Variants in DBT observed in about 807,000 individuals in gnomAD.
DBT encodes lipoamide acyltransferase component of branched-chain alpha-keto acid dehydrogenase complex, mitochondrial.
DBT carries 40 observed loss-of-function variants against 51.3 expected under a neutral mutation model. That is an observed-to-expected ratio of 0.78 (90% CI 0.61 to 1.02). DBT has a LOEUF of 1.02. Among genes scored for constraint, DBT ranks in the 50% least tolerant of loss-of-function variants. The pLI is 0.00. For missense variants in DBT, 510 were observed against 580.2 expected, an observed-to-expected ratio of 0.88 and a Z score of 1.24; for synonymous variants, 181 against 190.4, an observed-to-expected ratio of 0.95 and a Z score of 0.41.
chr1:100,206,334 A>G, intron 9 of DBT, 33 bp from the exon 10 acceptor site: 1 of 1,584,990 alleles, frequency 6.3e-7, no homozygotes, highest in African/African-American at 1.3e-5. Flanking sequence ...GGAGAGTATT[A>G]AAAGTTAAGA....
chr1:100,204,140 A>G (rs1661618740), intron 10 of DBT, among the ~76,000 whole-genome samples: 1 of 152,188 alleles, frequency 6.6e-6, no homozygotes, highest in African/African-American at 2.4e-5. Flanking sequence ...AGCATATTCT[A>G]TAGGAAGAGA....
intron 2 of DBT, among the ~76,000 whole-genome samples, chr1:100,240,051 G>A (rs1472341426): frequency 6.6e-6 from 1 of 152,002 alleles, no homozygotes; most frequent in Admixed American, 6.6e-5. Context: ...CAGTTCTTGT[G>A]CCCTTGCCAA....
chr1:100,196,243 T>A lies in DBT; in HGVS notation c.*12A>T. The A allele has an allele frequency of 6.2e-7, 1 of 1,612,390 alleles. No individual in the cohort carries two copies. Among genetic ancestry groups the A allele is most frequent in the Non-Finnish European group, 8.5e-7 (1 of 1,178,684 alleles). On this transcript the variant is annotated 3_prime_UTR_variant, in exon 11 of 11. Transcript: ENST00000370132. The stretch of plus-strand genomic sequence containing the variant: ...TGGAAGCTCAAAAAGTTCAAGAATG[T>A]CTTATCAGTCTTCATTTCAGATCTA...
rs946151871 is a variant in DBT at position 100,189,293 on chromosome 1, C to T, written c.*6962G>A. On this transcript the variant is annotated 3_prime_UTR_variant, in exon 11 of 11. Coordinates refer to ENST00000370132, the MANE Select transcript of DBT (RefSeq NM_001918.5). ...AGACGGAGGTTGCAGTGAGCAGAGC[C>T]GAGATCGCACCACTGCACTCTAGTC... The T allele has an allele frequency of 2.7e-5, 4 of 150,626 alleles. No individual in the cohort carries two copies. The highest frequency in any genetic ancestry group is 7.3e-5 in the African/African-American group (3 of 40,834). 9.3% of individuals were successfully genotyped at this position (150,626 alleles called of 1,614,324 possible). A position where few individuals can be genotyped will look rare whatever the true frequency, so the allele number is the denominator to read the frequency against.
intron 7 of DBT, chr1:100,211,121 A>G (rs1349195767): frequency 1.3e-6 from 1 of 779,144 alleles, no homozygotes; most frequent in South Asian, 1.3e-5. Context: ...CATGAGAAGT[A>G]ATACTAGGAA....
chr1:100,241,146 T>C (rs1283151214), intron 1 of DBT, among the ~76,000 whole-genome samples: 1 of 152,184 alleles, frequency 6.6e-6, no homozygotes, highest in African/African-American at 2.4e-5. Flanking sequence ...GAACTAAAAC[T>C]ACTAAAGAAT....
At chr1:100,249,148 T>C (rs1355373077) in intron 1 of DBT, 3 of 959,284 alleles carry the variant, frequency 3.1e-6, no homozygotes, top group South Asian at 4.7e-5. Flanking sequence ...ACAAGTATCA[T>C]TACCGGTATG....
intron 3 of DBT, among the ~76,000 whole-genome samples, chr1:100,233,837 AG>A (rs1407730531): frequency 1.3e-5 from 2 of 152,226 alleles, no homozygotes; most frequent in Non-Finnish European, 2.9e-5. Context: ...CAAAGGAAGG[AG>A]GAAGTAACTT....
At chr1:100,216,428 T>C (rs947187921) in intron 5 of DBT, among the ~76,000 whole-genome samples, 1 of 152,142 alleles carries the variant, frequency 6.6e-6, no homozygotes, top group Non-Finnish European at 1.5e-5. Context: ...TAGAGCTATT[T>C]ATGAAAACTT....
chr1:100,245,917 A>G (rs1664504111), intron 1 of DBT, among the ~76,000 whole-genome samples: 1 of 151,736 alleles, frequency 6.6e-6, no homozygotes, highest in South Asian at 2.1e-4. Context: ...ATGCCACCAC[A>G]CTCCAGCCTG....
At chr1:100,230,649 A>AAAAAAAT in intron 4 of DBT, 84 bp downstream of exon 4, 1 of 873,316 alleles carries the variant, frequency 1.1e-6, no homozygotes, top group Non-Finnish European at 1.8e-6. Context: ...AAACAAAAAA[A>AAAAAAAT]CAAAGATCAC....
chr1:100,216,245 AC>A (rs772141556), intron 5 of DBT, 46 bp from the exon 6 acceptor site: 2 of 1,342,342 alleles, frequency 1.5e-6, no homozygotes, highest in South Asian at 2.4e-5. Flanking sequence ...CTATTTAAAA[AC>A]ATCATTAAAG....
intron 4 of DBT, among the ~76,000 whole-genome samples, chr1:100,223,467 GT>G (rs1369289765): frequency 3.3e-5 from 5 of 152,036 alleles, no homozygotes; most frequent in African/African-American, 1.2e-4. Flanking sequence ...TGTTTGTTTT[GT>G]GTGTGCGTGT....
intron 4 of DBT, among the ~76,000 whole-genome samples, chr1:100,228,006 C>T (rs1481249129): frequency 3.3e-5 from 5 of 151,954 alleles, no homozygotes; most frequent in South Asian, 2.1e-4. Flanking sequence ...CCACCACACC[C>T]GGCTAATTTT....
intron 6 of DBT, 47 bp from the exon 7 acceptor site, chr1:100,215,030 C>A: frequency 6.5e-6 from 8 of 1,236,668 alleles, no homozygotes; most frequent in South Asian, 1.4e-5. Flanking sequence ...TCTCAAATCT[C>A]TTCATCCTTT....
rs1252990264 is a variant in DBT, at chr1:100,190,679, G to C, written c.*5576C>G. 6.6e-6 allele frequency: 1 copy of C among 152,180 alleles called. No homozygotes were observed. The highest frequency in any genetic ancestry group is 1.5e-5 in the Non-Finnish European group (1 of 68,036). 9.4% of individuals were successfully genotyped at this position (152,180 alleles called of 1,614,324 possible). On this transcript the variant is annotated 3_prime_UTR_variant, in exon 11 of 11. Transcript: ENST00000370132. ...AATAAATAATAGAGGACAGAAAACA[G>C]TTGGTATTTGCTGATGGAGAACCAC...
At chr1:100,249,199 G>T in intron 1 of DBT, 1 of 540,284 alleles carries the variant, frequency 1.9e-6, no homozygotes, top group Non-Finnish European at 2.4e-6. Flanking sequence ...AGAGAAGGAA[G>T]TGCAGGGGAG....
chr1:100,210,791 T>C lies in DBT; in HGVS notation c.940-20A>G. 6.2e-7 allele frequency: 1 copy of C among 1,612,684 alleles called. No individual in the cohort carries two copies. ...AGCAGCCTGTTTAACAGAAAAAGAA[T>C]GCAATTTTAGTACTTTTAACTTAGA... On this transcript the variant is annotated intron_variant, in intron 7 of 10. Coordinates refer to ENST00000370132, the MANE Select transcript of DBT (RefSeq NM_001918.5).
Position 100,209,512 on chromosome 1 carries a change from G to A in DBT, c.1017+1182C>T, listed in dbSNP as rs973179888. ...TAACCGTATGGGAGCTGACCTCCCA[G>A]AATATCTAAGCTCACTTTCTGGTTG... On this transcript the variant is annotated intron_variant, in intron 8 of 10. Coordinates refer to ENST00000370132, the MANE Select transcript of DBT (RefSeq NM_001918.5). 3.3e-5 allele frequency among the ~76,000 whole-genome samples: 5 copies of A among 152,034 alleles called. No individual in the cohort carries two copies. The East Asian group carries it at 7.7e-4, about 23-fold the overall frequency.
Sources: allele counts gnomAD v4.1 joint callset (sites outside exome capture counted in the v4.1 genomes callset), GRCh38; gene constraint gnomAD v4.1.1; transcripts MANE v1.5; gene names NCBI Gene and HGNC (gene_info 2026-07-23, HGNC 2026-07-21).